MAP2K4: variants seen among roughly 807,000 people sequenced by gnomAD.
The protein encoded by MAP2K4 is mitogen-activated protein kinase kinase 4, also known as dual specificity mitogen-activated protein kinase kinase 4.
Under a neutral mutation model 48.5 loss-of-function variants are expected in MAP2K4, and 4 were observed. The observed-to-expected ratio is 0.08, with a 90% CI of 0.04 to 0.19. The LOEUF is 0.19. MAP2K4 is among the 10% of genes least tolerant of loss of function. The pLI is 1.00. For missense variants in MAP2K4, 258 were observed against 493.3 expected (o/e 0.52, Z 4.52); for synonymous variants, 166 against 173.1 (o/e 0.96, Z 0.32).
chr17:12,089,681 T>C (rs918070280), intron 3 of MAP2K4, among the ~76,000 whole-genome samples: 8 of 152,190 alleles, frequency 5.3e-5, no homozygotes, highest in Non-Finnish European at 1.2e-4. Context: ...TGTCTTTTTA[T>C]ACTGCCCTCT....
chr17:12,118,509 A>T (rs1340019612), intron 7 of MAP2K4, among the ~76,000 whole-genome samples: 2 of 152,146 alleles, frequency 1.3e-5, no homozygotes, highest in East Asian at 3.8e-4. Flanking sequence ...CCTTATGCTT[A>T]TTGCAGGGAA....
intron 1 of MAP2K4, among the ~76,000 whole-genome samples, chr17:12,025,773 A>T (rs1243833217): frequency 2.0e-5 from 3 of 152,214 alleles, no homozygotes; most frequent in Admixed American, 2.0e-4. Flanking sequence ...AGAAAAAGTC[A>T]AGAGATTTAA....
rs1972169250 is a variant in MAP2K4, at chr17:12,107,793, G to A, written c.517G>A (p.Asp173Asn). The A allele has an allele frequency of 6.3e-7, 1 of 1,576,148 alleles. No individual in the cohort carries two copies. ...ACAGATATTTGTTATTTTATAGGGT[G>A]ACTGTTGGATCTGTATGGAACTCAT... ...QFYGALFREG[D>N]CWICMELMST... The change falls in exon 5 of 11, where the codon GAC becomes AAC. Residue 173 changes from aspartate to asparagine, a missense_variant. Transcript: ENST00000353533.
At chr17:12,135,781 C>A (rs546791258) in intron 9 of MAP2K4, among the ~76,000 whole-genome samples, 28 of 152,232 alleles carry the variant, frequency 1.8e-4, no homozygotes, top group Admixed American at 9.8e-4. Context: ...AACTCCTGAC[C>A]TCAGGTGATC....
At chr17:12,141,041 A>G (rs1973362622) in intron 10 of MAP2K4, 106 bp from the exon 11 acceptor site, 3 of 698,292 alleles carry the variant, frequency 4.3e-6, no homozygotes, top group Non-Finnish European at 7.8e-6. Flanking sequence ...TTTCATAGCT[A>G]TGTGTGGTTG....
At chr17:12,136,151 G>A (rs1156921701) in intron 9 of MAP2K4, among the ~76,000 whole-genome samples, 1 of 152,114 alleles carries the variant, frequency 6.6e-6, no homozygotes, top group Non-Finnish European at 1.5e-5. Flanking sequence ...AGGACTAAAT[G>A]ATTCCAAAAA....
chr17:12,104,778 G>A (rs759375745), intron 4 of MAP2K4, among the ~76,000 whole-genome samples: 1 of 151,942 alleles, frequency 6.6e-6, no homozygotes, highest in Non-Finnish European at 1.5e-5. Flanking sequence ...TATCCTTTGT[G>A]ATTTGTTGTT....
At chr17:12,062,730 G>A (rs375512596) in intron 2 of MAP2K4, among the ~76,000 whole-genome samples, 1 of 152,078 alleles carries the variant, frequency 6.6e-6, no homozygotes, top group African/African-American at 2.4e-5. Context: ...TTTGTATTTC[G>A]ACAATGTTTT....
chr17:12,070,301 A>G (rs1385312130), intron 2 of MAP2K4, among the ~76,000 whole-genome samples: 6 of 152,130 alleles, frequency 3.9e-5, no homozygotes, highest in African/African-American at 1.4e-4. Context: ...ATAATTAGCT[A>G]TTACTTGCTG....
Position 12,143,816 on chromosome 17 carries a change from A to G in MAP2K4, c.*2556A>G, listed in dbSNP as rs1973449581. The G allele has an allele frequency of 4.5e-6, 1 of 223,060 alleles. No individual in the cohort carries two copies. Among genetic ancestry groups the G allele is most frequent in the South Asian group, 1.8e-4 (1 of 5,456 alleles). The allele number at this position is 223,060 out of a possible 1,614,324, so 13.8% of individuals were successfully genotyped here. The stretch of plus-strand genomic sequence containing the variant: ...TTACATTAAATTATCTGTGCATTTC[A>G]CACCAGGGAAAATGACCTCCTTTTG... On this transcript the variant is annotated 3_prime_UTR_variant, in exon 11 of 11. Coordinates refer to ENST00000353533, the MANE Select transcript of MAP2K4 (RefSeq NM_003010.4).
At chr17:12,082,632 T>A (rs539093045) in intron 3 of MAP2K4, among the ~76,000 whole-genome samples, 1 of 152,366 alleles carries the variant, frequency 6.6e-6, no homozygotes, top group East Asian at 1.9e-4. Context: ...TTAGTATCCT[T>A]CACTGTTGAG....
intron 2 of MAP2K4, among the ~76,000 whole-genome samples, chr17:12,065,303 G>GT (rs35418495): frequency 0.36 from 44,108 of 120,850 alleles, 8,827 homozygotes; most frequent in Middle Eastern, 0.5. Context: ...GGTGTTTGTT[G>GT]TTTTTTTTTT....
intron 7 of MAP2K4, among the ~76,000 whole-genome samples, chr17:12,117,229 A>G (rs1488409534): frequency 1.1e-4 from 17 of 152,192 alleles, no homozygotes; most frequent in Non-Finnish European, 2.9e-5. Context: ...CCTAAAAAAA[A>G]CAAACAAGAA....
chr17:12,125,906 C>G (rs912292834), intron 8 of MAP2K4, among the ~76,000 whole-genome samples: 1 of 152,148 alleles, frequency 6.6e-6, no homozygotes, highest in Non-Finnish European at 1.5e-5. Context: ...TCCATTCTCA[C>G]ACTACTGTAA....
rs528270246 is a variant in MAP2K4, at chr17:12,129,121, C to G, written c.892-18C>G. The stretch of plus-strand genomic sequence containing the variant: ...TGATGCCTGGTGTATTTTGCTCTTT[C>G]CTCTTTGTTCTCTTTAGTATGAGTT... On this transcript the variant is annotated intron_variant, in intron 8 of 10. Transcript: ENST00000353533. 1.8e-5 allele frequency: 29 copies of G among 1,611,548 alleles called. No homozygotes were observed. In the South Asian group the frequency reaches 2.9e-4, roughly 16 times the overall value.
chr17:12,057,699 C>CT (rs1970326136), intron 2 of MAP2K4, among the ~76,000 whole-genome samples: 1 of 151,596 alleles, frequency 6.6e-6, no homozygotes, highest in Non-Finnish European at 1.5e-5. Flanking sequence ...ATCCTAGACT[C>CT]TAAAAAAAAA....
intron 10 of MAP2K4, among the ~76,000 whole-genome samples, 182 bp from the exon 11 acceptor site, chr17:12,140,965 G>A (rs1475461836): frequency 6.6e-6 from 1 of 152,066 alleles, no homozygotes; most frequent in Non-Finnish European, 1.5e-5. Context: ...GCATGCCCAT[G>A]CCCATTAGCA....
chr17:12,062,725 A>G (rs1454568220), intron 2 of MAP2K4, among the ~76,000 whole-genome samples: 1 of 152,122 alleles, frequency 6.6e-6, no homozygotes, highest in African/African-American at 2.4e-5. Flanking sequence ...TTGTGTTTGT[A>G]TTTCGACAAT....
In MAP2K4 at chr17:12,111,517, A is replaced by G. The variant is rs567331693; in HGVS notation, c.685+1091A>G. 1.3e-4 allele frequency among the ~76,000 whole-genome samples: 18 copies of G among 140,868 alleles called. No homozygotes were observed. The East Asian group carries it at 2.7e-3, about 21-fold the overall frequency. 92.4% of individuals were successfully genotyped at this position (140,868 alleles called of 152,430 possible). A position where few individuals can be genotyped will look rare whatever the true frequency, so the allele number is the denominator to read the frequency against. Reference sequence around the variant, plus strand: ...TTCCCTTCTTTGTTAGCTGTGTTCTATAATTATGAGAGTAGCACCTTTGAG... The same window carrying G: ...TTCCCTTCTTTGTTAGCTGTGTTCTGTAATTATGAGAGTAGCACCTTTGAG... On this transcript the variant is annotated intron_variant, in intron 6 of 10. Transcript: ENST00000353533.
Sources: allele counts gnomAD v4.1 joint callset (sites outside exome capture counted in the v4.1 genomes callset), GRCh38; gene constraint gnomAD v4.1.1; transcripts MANE v1.5; gene names NCBI Gene and HGNC (gene_info 2026-07-23, HGNC 2026-07-21).